B3GAT2: variants seen among roughly 807,000 people sequenced by gnomAD.
B3GAT2 encodes beta-1,3-glucuronyltransferase 2, also known as galactosylgalactosylxylosylprotein 3-beta-glucuronosyltransferase 2.
B3GAT2 carries 26 observed loss-of-function variants against 27.8 expected under a neutral mutation model. The ratio of observed to expected loss-of-function variants is 0.93; its 90% CI spans 0.68 to 1.30. B3GAT2 has a LOEUF of 1.30. Among genes scored for constraint, B3GAT2 ranks in the 50% most tolerant of loss-of-function variants. B3GAT2 has a pLI of 0.00. For missense variants in B3GAT2, 458 were observed against 459.0 expected (o/e 1.00, Z 0.02); for synonymous variants, 218 against 195.1 (o/e 1.12, Z -0.98).
chr6:70,915,538 G>A (rs1435340459), intron 1 of B3GAT2, among the ~76,000 whole-genome samples: 1 of 152,098 alleles, frequency 6.6e-6, no homozygotes, highest in South Asian at 2.1e-4. Flanking sequence ...TATGGTTTTA[G>A]GTATTACATT....
At position 70,956,466 on chromosome 6, in the gene B3GAT2, G is replaced by A. The variant is rs1765660108; in HGVS notation, c.-37C>T. ...CCTGGCCTCTCGGACACCCCAGAGAGGGGCGAGCCGAGGGACCCCAGTGCG... is the reference window on the plus strand; with the variant it reads ...CCTGGCCTCTCGGACACCCCAGAGAAGGGCGAGCCGAGGGACCCCAGTGCG... On this transcript the variant is annotated 5_prime_UTR_variant, in exon 1 of 4. Coordinates refer to ENST00000230053, the MANE Select transcript of B3GAT2 (RefSeq NM_080742.3). 6 of 1,549,466 alleles carry A rather than the reference G, an allele frequency of 3.9e-6. No individual in the cohort carries two copies. The highest frequency in any genetic ancestry group is 2.4e-5 in the East Asian group (1 of 40,902).
At chr6:70,902,793 A>G (rs116922156) in intron 1 of B3GAT2, among the ~76,000 whole-genome samples, 20 of 152,178 alleles carry the variant, frequency 1.3e-4, no homozygotes, top group Non-Finnish European at 2.5e-4. Context: ...CCAGGCTAAG[A>G]AACACAAATA....
At chr6:70,936,282 A>G (rs1188829640) in intron 1 of B3GAT2, among the ~76,000 whole-genome samples, 513 of 151,406 alleles carry the variant, frequency 3.4e-3, no homozygotes, top group African/African-American at 0.011. Context: ...AAAGAGACTT[A>G]GACTCCCAAA....
At chr6:70,935,474 G>GTATATATATATATATATATATATATATA (rs754633194) in intron 1 of B3GAT2, among the ~76,000 whole-genome samples, 9 of 151,116 alleles carry the variant, frequency 6.0e-5, no homozygotes, top group Admixed American at 1.3e-4. Flanking sequence ...ATATATATGT[G>GTATATATATATATATATATATATATATA]TATATATATA....
At position 70,956,269 on chromosome 6, in the gene B3GAT2, AGCGGGAGTCGGGCG is replaced by A; in HGVS notation, c.147_160del (p.Ala50ProfsTer104). On this transcript the variant is annotated frameshift_variant, in exon 1 of 4. Transcript: ENST00000230053. LOFTEE classifies it high-confidence loss of function. Reference sequence around the variant, plus strand: ...CCCGTGAGCCGGGCCGCCCCTGCGGAGCGGGAGTCGGGCGCCCCCGCGGCCCACCGCGTAGGGAG... The same window carrying A: ...CCCGTGAGCCGGGCCGCCCCTGCGGACCCCCGCGGCCCACCGCGTAGGGAG... 6.2e-7 allele frequency: 1 copy of A among 1,609,834 alleles called. No homozygotes were observed. Among genetic ancestry groups the A allele is most frequent in the Admixed American group, 1.7e-5 (1 of 59,580 alleles).
chr6:70,894,317 A>T (rs891675204), intron 1 of B3GAT2, 45 bp from the exon 2 acceptor site: 1 of 1,518,416 alleles, frequency 6.6e-7, no homozygotes, highest in African/African-American at 1.4e-5. Context: ...CCTTAGGAAA[A>T]AGAGGGAGGA....
chr6:70,867,519 G>C (rs1771870159), intron 2 of B3GAT2, among the ~76,000 whole-genome samples: 1 of 151,862 alleles, frequency 6.6e-6, no homozygotes, highest in African/African-American at 2.4e-5. Context: ...TGATAATATG[G>C]GGCTATTATA....
At chr6:70,948,113 C>T (rs1482699055) in intron 1 of B3GAT2, among the ~76,000 whole-genome samples, 1 of 148,880 alleles carries the variant, frequency 6.7e-6, no homozygotes, top group Non-Finnish European at 1.5e-5. Flanking sequence ...GACAAGCCCA[C>T]AGCCAATATC....
At chr6:70,871,065 A>T (rs995487814) in intron 2 of B3GAT2, among the ~76,000 whole-genome samples, 7 of 151,790 alleles carry the variant, frequency 4.6e-5, no homozygotes, top group Non-Finnish European at 7.4e-5. Context: ...TTACTTTTAT[A>T]TTTGAAATAA....
chr6:70,918,488 A>T (rs750989932), intron 1 of B3GAT2, among the ~76,000 whole-genome samples: 55 of 152,128 alleles, frequency 3.6e-4, no homozygotes, highest in Non-Finnish European at 6.5e-4. Flanking sequence ...TCTTCATAGC[A>T]TCGATGGTCT....
At chr6:70,895,114 C>A (rs1013984260) in intron 1 of B3GAT2, among the ~76,000 whole-genome samples, 2 of 152,220 alleles carry the variant, frequency 1.3e-5, no homozygotes, top group African/African-American at 4.8e-5. Flanking sequence ...ACACCCCATG[C>A]TGGAGCCCAT....
intron 2 of B3GAT2, among the ~76,000 whole-genome samples, chr6:70,878,660 C>T (rs1772052175): frequency 7.0e-6 from 1 of 142,748 alleles, no homozygotes; most frequent in Non-Finnish European, 1.5e-5. Flanking sequence ...GCATTACATA[C>T]TTTTTTTTTT....
intron 1 of B3GAT2, among the ~76,000 whole-genome samples, chr6:70,900,170 G>A (rs1772473177): frequency 6.6e-6 from 1 of 152,178 alleles, no homozygotes; most frequent in Admixed American, 6.5e-5. Flanking sequence ...AATGGACAGG[G>A]CTTGCATAGC....
intron 2 of B3GAT2, among the ~76,000 whole-genome samples, chr6:70,864,274 A>C (rs1031499618): frequency 1.3e-5 from 2 of 152,122 alleles, no homozygotes; most frequent in Non-Finnish European, 2.9e-5. Flanking sequence ...TAAGACTTTA[A>C]CACATTAACC....
At chr6:70,873,985 T>C (rs1475549331) in intron 2 of B3GAT2, among the ~76,000 whole-genome samples, 1 of 152,158 alleles carries the variant, frequency 6.6e-6, no homozygotes, top group Non-Finnish European at 1.5e-5. Context: ...CATGGTTATC[T>C]TTAGTGGACT....
At chr6:70,875,703 T>C (rs1772004283) in intron 2 of B3GAT2, among the ~76,000 whole-genome samples, 1 of 152,252 alleles carries the variant, frequency 6.6e-6, no homozygotes, top group Non-Finnish European at 1.5e-5. Context: ...ATCTGCTGAC[T>C]ACTGACTGAA....
chr6:70,928,883 T>G (rs1343291536), intron 1 of B3GAT2, among the ~76,000 whole-genome samples: 1 of 152,178 alleles, frequency 6.6e-6, no homozygotes, highest in East Asian at 1.9e-4. Flanking sequence ...GGATTATAAA[T>G]CATGCTGTTA....
chr6:70,911,314 G>C (rs1056584809), intron 1 of B3GAT2, among the ~76,000 whole-genome samples: 2 of 152,068 alleles, frequency 1.3e-5, no homozygotes, highest in African/African-American at 4.8e-5. Flanking sequence ...AATACATCTT[G>C]AGTTGATTTT....
rs544082452 is a variant in B3GAT2 at position 70,907,277 on chromosome 6, C to T, written c.592-13005G>A. Among the ~76,000 whole-genome samples the T allele has an allele frequency of 3.9e-5, 6 of 152,256 alleles. No homozygotes were observed. The South Asian group carries it at 6.2e-4, about 16-fold the overall frequency. ...TGCTGGGCTGCTTCTGGGAAAAGTG[C>T]CCTCACTCCTAAGGATGGTCCCTTT... On this transcript the variant is annotated intron_variant, in intron 1 of 3. Transcript: ENST00000230053.
Sources: allele counts gnomAD v4.1 joint callset (sites outside exome capture counted in the v4.1 genomes callset), GRCh38; gene constraint gnomAD v4.1.1; transcripts MANE v1.5; gene names NCBI Gene and HGNC (gene_info 2026-07-23, HGNC 2026-07-21).